The following DIAPH2 variants were observed in gnomAD, a reference collection of about 807,000 sequenced individuals.
The protein encoded by DIAPH2 is diaphanous related formin 2.
DIAPH2 carries 35 observed loss-of-function variants against 92.7 expected under a neutral mutation model. The observed-to-expected ratio is 0.38, with a 90% CI of 0.29 to 0.50. The LOEUF (loss-of-function observed/expected upper bound fraction) is 0.50, where lower values mean the gene tolerates loss of function less well. Among genes scored for constraint, DIAPH2 ranks in the 20% least tolerant of loss-of-function variants. The pLI, the probability that DIAPH2 is intolerant of heterozygous loss-of-function variation, is 0.94. For missense variants in DIAPH2, 701 were observed against 819.5 expected (o/e 0.86, Z 1.77); for synonymous variants, 301 against 280.4 (o/e 1.07, Z -0.73).
chrX:97,336,348 C>A (rs1207164916), intron 23 of DIAPH2, among the ~76,000 whole-genome samples: 1 of 107,099 alleles, frequency 9.3e-6, no homozygotes, highest in African/African-American at 3.4e-5. Context: ...GGGTTCACGC[C>A]GGTTCTCCTG....
intron 5 of DIAPH2, among the ~76,000 whole-genome samples, chrX:96,908,641 C>G (rs1206232968): frequency 9.1e-6 from 1 of 110,332 alleles, no homozygotes; most frequent in Non-Finnish European, 1.9e-5. Context: ...CTCTGTGGCC[C>G]AGGCTGGAGT....
chrX:96,836,970 G>A (rs192893422), intron 4 of DIAPH2, among the ~76,000 whole-genome samples: 1 of 104,790 alleles, frequency 9.5e-6, no homozygotes, highest in Non-Finnish European at 1.9e-5. Context: ...CTCGTGATCC[G>A]CCCGCCTCAG....
intron 23 of DIAPH2, among the ~76,000 whole-genome samples, chrX:97,342,164 C>T (rs1021763240): frequency 2.7e-5 from 3 of 111,889 alleles, no homozygotes; most frequent in African/African-American, 6.5e-5. Flanking sequence ...GATTAAAATG[C>T]GTTCTCAAAT....
At chrX:96,854,357 A>G (rs1040262337) in intron 4 of DIAPH2, among the ~76,000 whole-genome samples, 3 of 108,181 alleles carry the variant, frequency 2.8e-5, no homozygotes, top group Non-Finnish European at 5.8e-5. Flanking sequence ...AGCTTGTTCT[A>G]TTATGGGTTT....
chrX:97,020,750 G>T (rs866573569), intron 17 of DIAPH2, among the ~76,000 whole-genome samples: 3 of 111,804 alleles, frequency 2.7e-5, no homozygotes, highest in African/African-American at 9.8e-5. Context: ...TGTTCCAGGC[G>T]GGATGGAGCA....
chrX:97,174,889 C>G (rs1447607744), intron 22 of DIAPH2, among the ~76,000 whole-genome samples: 1 of 111,883 alleles, frequency 8.9e-6, no homozygotes, highest in Admixed American at 9.5e-5. Flanking sequence ...GGGCTGTTCT[C>G]CCCTTAGAGG....
intron 1 of DIAPH2, among the ~76,000 whole-genome samples, chrX:96,696,794 C>T (rs190325541): frequency 3.6e-5 from 4 of 112,007 alleles, no homozygotes; most frequent in Admixed American, 1.9e-4. Flanking sequence ...AAGTGCTTTG[C>T]GTGTATTTGT....
intron 26 of DIAPH2, among the ~76,000 whole-genome samples, chrX:97,594,693 G>T (rs1434233136): frequency 1.8e-5 from 2 of 112,298 alleles, no homozygotes; most frequent in South Asian, 7.3e-4. Context: ...AATTACAGAG[G>T]GTTTCTTTTA....
chrX:96,939,484 G>GTGTGTGTATATATA (rs745521574), intron 12 of DIAPH2, 102 bp downstream of exon 12: 1 of 143,888 alleles, frequency 6.9e-6, no homozygotes, highest in African/African-American at 4.1e-5. Context: ...ATATGTGTGT[G>GTGTGTGTATATATA]TATGTATATA....
chrX:97,395,522 G>A (rs1936479419), intron 25 of DIAPH2, among the ~76,000 whole-genome samples: 1 of 111,923 alleles, frequency 8.9e-6, no homozygotes, highest in Admixed American at 9.5e-5. Flanking sequence ...ATTGGAGCAT[G>A]TGCTTTATCT....
chrX:97,597,655 T>C (rs999587468), intron 26 of DIAPH2, among the ~76,000 whole-genome samples: 1 of 111,970 alleles, frequency 8.9e-6, no homozygotes, highest in Admixed American at 9.4e-5. Flanking sequence ...TGGGAACCAT[T>C]GTATTGTAAT....
At chrX:96,887,208 A>G (rs190988475) in intron 5 of DIAPH2, among the ~76,000 whole-genome samples, 1 of 112,170 alleles carries the variant, frequency 8.9e-6, no homozygotes, top group Non-Finnish European at 1.9e-5. Context: ...TTTTAGGCAG[A>G]AAATCACTGG....
intron 26 of DIAPH2, among the ~76,000 whole-genome samples, chrX:97,482,468 C>T (rs899648690): frequency 9.0e-6 from 1 of 111,546 alleles, no homozygotes; most frequent in Non-Finnish European, 1.9e-5. Flanking sequence ...TACCATTTTT[C>T]TCTTGTGACT....
At chrX:96,786,243 C>G (rs2064456268) in intron 4 of DIAPH2, among the ~76,000 whole-genome samples, 1 of 111,509 alleles carries the variant, frequency 9.0e-6, no homozygotes, top group African/African-American at 3.3e-5. Flanking sequence ...CAGTAGTAGT[C>G]AAGAATTTGG....
chrX:96,989,866 C>A (rs1369535875), intron 17 of DIAPH2, among the ~76,000 whole-genome samples: 1 of 111,634 alleles, frequency 9.0e-6, no homozygotes, highest in Non-Finnish European at 1.9e-5. Flanking sequence ...ATGAATCATA[C>A]AATTATAGTA....
intron 19 of DIAPH2, among the ~76,000 whole-genome samples, chrX:97,075,793 G>A (rs756816605): frequency 8.9e-6 from 1 of 111,754 alleles, no homozygotes; most frequent in South Asian, 3.7e-4. Context: ...GTAATCCTAT[G>A]AGATAAGCAC....
chrX:97,214,804 C>A, intron 22 of DIAPH2, among the ~76,000 whole-genome samples: 1 of 98,197 alleles, frequency 1.0e-5, no homozygotes. Context: ...GTGCTCCAGC[C>A]TGGGCAACAA....
intron 23 of DIAPH2, among the ~76,000 whole-genome samples, chrX:97,256,822 G>A (rs1156964214): frequency 9.0e-6 from 1 of 110,834 alleles, no homozygotes; most frequent in Admixed American, 9.7e-5. Context: ...ATACCAACAT[G>A]CCTGGCTAAT....
In DIAPH2 at chrX:97,141,654, T is replaced by C. The variant is rs1286525136; in HGVS notation, c.2590-11T>C. On this transcript the variant is annotated splice_polypyrimidine_tract_variant and intron_variant, in intron 21 of 26. Coordinates refer to ENST00000324765, the MANE Select transcript of DIAPH2 (RefSeq NM_006729.5). ...AAAATTACTAAAAAATGTGTTGTTG[T>C]TTTCTCCCAGATCAGAGATACTAAA... is the stretch of plus-strand genomic sequence containing the variant. 2 of 1,177,765 alleles carry C rather than the reference T, an allele frequency of 1.7e-6. No individual in the cohort carries two copies. The highest frequency in any genetic ancestry group is 2.8e-5 in the Admixed American group (1 of 36,234).
Sources: gnomAD v4.1 joint callset for allele counts (sites outside exome capture counted in the v4.1 genomes callset) on GRCh38, gnomAD v4.1.1 for gene constraint, MANE v1.5 for transcripts, NCBI Gene and HGNC (gene_info 2026-07-23, HGNC 2026-07-21) for gene names.